The following RGS6 variants were observed in gnomAD, a reference collection of about 807,000 sequenced individuals.
The protein encoded by RGS6 is regulator of G-protein signaling 6.
Under a neutral mutation model 78.5 loss-of-function variants are expected in RGS6, and 30 were observed. The ratio of observed to expected loss-of-function variants is 0.38; its 90% CI spans 0.29 to 0.52. The LOEUF (loss-of-function observed/expected upper bound fraction) is 0.52, where lower values mean the gene tolerates loss of function less well. Among genes scored for constraint, RGS6 ranks in the 20% least tolerant of loss-of-function variants. RGS6 has a pLI of 0.85. For missense variants in RGS6, 495 were observed against 609.7 expected (o/e 0.81, Z 1.98); for synonymous variants, 206 against 206.0 (o/e 1.00, Z 0.00).
intron 1 of RGS6, among the ~76,000 whole-genome samples, chr14:71,955,199 G>A (rs2092692301): frequency 6.6e-6 from 1 of 152,130 alleles, no homozygotes; most frequent in African/African-American, 2.4e-5. Context: ...GCTGTGTCTT[G>A]GAAGTCTTTT....
rs1265079824 is a variant in RGS6, at chr14:72,412,887, T to A, written c.185-41641T>A. On this transcript the variant is annotated intron_variant, in intron 3 of 17. Coordinates refer to ENST00000553525, the MANE Select transcript of RGS6 (RefSeq NM_001204424.2). The stretch of plus-strand genomic sequence containing the variant: ...ATGTAGTTGAGCAGTTTTGAGTGAG[T>A]TTCTTAATCCTGAGTTCTAGTTTGA... Among the ~76,000 whole-genome samples, 34 of 152,080 alleles carry A rather than the reference T, an allele frequency of 2.2e-4. 1 individual carries two copies. In the South Asian group the frequency reaches 6.9e-3, roughly 31 times the overall value.
At chr14:72,005,522 AGTT>A (rs1263056363) in intron 2 of RGS6, among the ~76,000 whole-genome samples, 2 of 151,934 alleles carry the variant, frequency 1.3e-5, no homozygotes, top group Non-Finnish European at 2.9e-5. Context: ...TCCAATTAGT[AGTT>A]ATCCCTAGAA....
At chr14:72,061,226 C>T (rs955118177) in intron 2 of RGS6, among the ~76,000 whole-genome samples, 28 of 152,148 alleles carry the variant, frequency 1.8e-4, no homozygotes, top group African/African-American at 6.0e-4. Context: ...TTTCTGGGTC[C>T]TTAATTGACT....
At chr14:72,233,233 A>G (rs893665878) in intron 2 of RGS6, among the ~76,000 whole-genome samples, 13 of 152,148 alleles carry the variant, frequency 8.5e-5, no homozygotes, top group African/African-American at 2.7e-4. Context: ...CGAGTTCCCT[A>G]TCATTGGAGG....
chr14:72,271,979 G>T (rs2060020312), intron 2 of RGS6, among the ~76,000 whole-genome samples: 1 of 151,446 alleles, frequency 6.6e-6, no homozygotes, highest in African/African-American at 2.4e-5. Context: ...ATGGCACTGG[G>T]GCCACTGGGA....
intron 2 of RGS6, among the ~76,000 whole-genome samples, chr14:72,166,991 G>C (rs1483513078): frequency 1.3e-5 from 2 of 152,032 alleles, no homozygotes; most frequent in Non-Finnish European, 2.9e-5. Flanking sequence ...CACTATTTTC[G>C]GTTCAGTAAT....
rs371378775 is a variant in RGS6 at position 72,283,157 on chromosome 14, C to T, written c.85-68938C>T. Among the ~76,000 whole-genome samples, 20 of 152,172 alleles carry T rather than the reference C, an allele frequency of 1.3e-4. No individual in the cohort carries two copies. The South Asian group carries it at 3.7e-3, about 28-fold the overall frequency. Reference sequence around the variant, plus strand: ...CCACTGTGTGTATAGACTATATTTTCTTTATTCTTTCATCCATCAATGAGA... The same window carrying T: ...CCACTGTGTGTATAGACTATATTTTTTTTATTCTTTCATCCATCAATGAGA... On this transcript the variant is annotated intron_variant, in intron 2 of 17. Transcript: ENST00000553525.
At chr14:72,033,401 T>G (rs987302254) in intron 2 of RGS6, among the ~76,000 whole-genome samples, 1 of 151,706 alleles carries the variant, frequency 6.6e-6, no homozygotes, top group Non-Finnish European at 1.5e-5. Flanking sequence ...GTCTGGCTAT[T>G]TTTTTTTATT....
Position 72,029,815 on chromosome 14 carries a change from A to AT in RGS6, c.84+64946dup, listed in dbSNP as rs955541595. Among the ~76,000 whole-genome samples, 6 of 152,284 alleles carry AT rather than the reference A, an allele frequency of 3.9e-5. No homozygotes were observed. In the South Asian group the frequency reaches 6.2e-4, roughly 16 times the overall value. On this transcript the variant is annotated intron_variant, in intron 2 of 17. Transcript: ENST00000553525. ...TGGAGACAGGAAGGTCAAGTGCTTT[A>AT]TTTTTTCTGTGATGAGAACCAGCTC... is the stretch of plus-strand genomic sequence containing the variant.
chr14:72,084,486 T>C (rs2094946268), intron 2 of RGS6, among the ~76,000 whole-genome samples: 1 of 152,192 alleles, frequency 6.6e-6, no homozygotes, highest in Admixed American at 6.5e-5. Flanking sequence ...TGAAAAGTTG[T>C]TGGACTGTTT....
Position 72,449,540 on chromosome 14 carries a change from T to G in RGS6, c.185-4988T>G, listed in dbSNP as rs376978520. ...ACACCTGAAGACAAAGCCCTGAATTTTATGAGTGTCTGCCTGAAACCAGAA... is the reference window on the plus strand; with the variant it reads ...ACACCTGAAGACAAAGCCCTGAATTGTATGAGTGTCTGCCTGAAACCAGAA... On this transcript the variant is annotated intron_variant, in intron 3 of 17. Transcript: ENST00000553525. 1.1e-4 allele frequency among the ~76,000 whole-genome samples: 16 copies of G among 152,304 alleles called. No homozygotes were observed. In the South Asian group the frequency reaches 3.3e-3, roughly 32 times the overall value.
At chr14:72,621,523 T>G in the RGS6 span, among the ~76,000 whole-genome samples, 2 of 152,240 alleles carry the variant, frequency 1.3e-5, no homozygotes, top group Non-Finnish European at 2.9e-5. Context: ...GGGCTTTTTT[T>G]GTCATGCTAA....
intron 2 of RGS6, among the ~76,000 whole-genome samples, chr14:72,224,517 T>C (rs531702588): frequency 4.6e-5 from 7 of 152,276 alleles, no homozygotes; most frequent in Admixed American, 2.0e-4. Flanking sequence ...TGTGGTCTTA[T>C]TGAGTTATTT....
chr14:72,081,216 GATTT>G (rs2094809008), intron 2 of RGS6, among the ~76,000 whole-genome samples: 1 of 151,974 alleles, frequency 6.6e-6, no homozygotes, highest in African/African-American at 2.4e-5. Context: ...TCAGTGTACA[GATTT>G]TTCAATTCCT....
intron 4 of RGS6, among the ~76,000 whole-genome samples, 179 bp from the exon 5 acceptor site, chr14:72,458,092 T>C (rs1168064030): frequency 6.6e-6 from 1 of 152,094 alleles, no homozygotes; most frequent in African/African-American, 2.4e-5. Context: ...CCCAGACACA[T>C]AGTTGCCCTT....
chr14:72,194,699 T>TA (rs146085533), intron 2 of RGS6, among the ~76,000 whole-genome samples: 25,037 of 151,964 alleles, frequency 0.16, 2,150 homozygotes, highest in South Asian at 0.25. Context: ...AAAATAAAGG[T>TA]AAAAAAACAA....
At chr14:72,141,667 C>G (rs1291391755) in intron 2 of RGS6, among the ~76,000 whole-genome samples, 2 of 152,136 alleles carry the variant, frequency 1.3e-5, no homozygotes, top group Non-Finnish European at 2.9e-5. Context: ...TCTTGTCCTC[C>G]CCAAAGATGC....
intron 2 of RGS6, among the ~76,000 whole-genome samples, chr14:72,349,771 C>G (rs2078770971): frequency 6.6e-6 from 1 of 152,156 alleles, no homozygotes; most frequent in Non-Finnish European, 1.5e-5. Flanking sequence ...AGTCACAGAA[C>G]CAATCCTTCA....
the RGS6 span, among the ~76,000 whole-genome samples, chr14:72,593,550 A>T: frequency 6.6e-6 from 1 of 151,974 alleles, no homozygotes; most frequent in East Asian, 1.9e-4. Context: ...ATGCCCAGCT[A>T]ATTTTTCTGT....
Sources: gnomAD v4.1 joint callset for allele counts (sites outside exome capture counted in the v4.1 genomes callset) on GRCh38, gnomAD v4.1.1 for gene constraint, MANE v1.5 for transcripts, NCBI Gene and HGNC (gene_info 2026-07-23, HGNC 2026-07-21) for gene names.